Variants in CEP57L1 observed in about 807,000 individuals in gnomAD.
CEP57L1 encodes centrosomal protein CEP57L1.
Under a neutral mutation model 61.0 loss-of-function variants are expected in CEP57L1, and 37 were observed. The observed-to-expected ratio is 0.61, with a 90% CI of 0.47 to 0.80. The LOEUF is 0.80. Among genes scored for constraint, CEP57L1 ranks in the 30% least tolerant of loss-of-function variants. The pLI, the probability that CEP57L1 is intolerant of heterozygous loss-of-function variation, is 0.00. For synonymous variants in CEP57L1, 137 were observed against 162.3 expected (o/e 0.84, Z 1.19); for missense variants, 422 against 524.7 (o/e 0.80, Z 1.91).
intron 1 of CEP57L1, among the ~76,000 whole-genome samples, chr6:109,104,323 A>T (rs12205743): frequency 0.039 from 5,686 of 145,652 alleles, 159 homozygotes; most frequent in African/African-American, 0.078. Context: ...TAAAAAAAAA[A>T]TTTTTTTCTG....
intron 2 of CEP57L1, among the ~76,000 whole-genome samples, chr6:109,146,317 T>C (rs1387471623): frequency 6.6e-6 from 1 of 151,944 alleles, no homozygotes; most frequent in Non-Finnish European, 1.5e-5. Flanking sequence ...ATATGTGTGA[T>C]TTGACTAAAA....
At chr6:109,097,573 A>G (rs35093983) in intron 1 of CEP57L1, among the ~76,000 whole-genome samples, 3,677 of 152,282 alleles carry the variant, frequency 0.024, 65 homozygotes, top group Non-Finnish European at 0.037. Flanking sequence ...TCCCTTTTAT[A>G]TAACAGGACA....
intron 1 of CEP57L1, among the ~76,000 whole-genome samples, chr6:109,098,170 G>T (rs920403738): frequency 6.6e-6 from 1 of 151,752 alleles, no homozygotes; most frequent in Non-Finnish European, 1.5e-5. Flanking sequence ...CTGTCTCAAC[G>T]GAGTTTTGCT....
chr6:109,151,227 T>A lies in CEP57L1; in HGVS notation c.462+988T>A, dbSNP rs150489818. Among the ~76,000 whole-genome samples the A allele has an allele frequency of 2.9e-3, 443 of 152,226 alleles. 3 individuals carry two copies. Among genetic ancestry groups the A allele is most frequent in the African/African-American group, 1.0e-2 (414 of 41,534 alleles). On this transcript the variant is annotated intron_variant, in intron 4 of 10. Transcript: ENST00000517392. Reference sequence around the variant, plus strand: ...ATTGATGGGTCAAATACATAACAGATTTTTAAGGAACTAGAGAATTTAATT... The same window carrying A: ...ATTGATGGGTCAAATACATAACAGAATTTTAAGGAACTAGAGAATTTAATT...
intron 1 of CEP57L1, among the ~76,000 whole-genome samples, chr6:109,115,087 G>T (rs898151579): frequency 6.6e-5 from 10 of 151,888 alleles, no homozygotes; most frequent in Admixed American, 2.0e-4. Context: ...TTAAAATATG[G>T]CTAAATTAAT....
At chr6:109,101,670 G>A (rs1400964811) in intron 1 of CEP57L1, among the ~76,000 whole-genome samples, 1 of 150,532 alleles carries the variant, frequency 6.6e-6, no homozygotes, top group South Asian at 2.1e-4. Context: ...GCACAGGCTG[G>A]ACTGCAGTGG....
At chr6:109,147,054 T>G in intron 3 of CEP57L1, 117 bp downstream of exon 3, 1 of 779,250 alleles carries the variant, frequency 1.3e-6, no homozygotes, top group Non-Finnish European at 1.9e-6. Flanking sequence ...ATATTCAAAC[T>G]TCATGACTTT....
intron 1 of CEP57L1, among the ~76,000 whole-genome samples, chr6:109,105,431 GAATAGCC>G (rs1015389165): frequency 2.6e-5 from 4 of 152,098 alleles, no homozygotes; most frequent in Admixed American, 6.5e-5. Flanking sequence ...AGTGAATATT[GAATAGCC>G]AATCCTTTCT....
At chr6:109,099,054 A>G (rs1014772761) in intron 1 of CEP57L1, among the ~76,000 whole-genome samples, 1 of 152,184 alleles carries the variant, frequency 6.6e-6, no homozygotes, top group South Asian at 2.1e-4. Context: ...TGTGAATGGG[A>G]GAGAGAGGAA....
At chr6:109,148,055 A>G (rs1404229676) in intron 3 of CEP57L1, among the ~76,000 whole-genome samples, 1 of 152,136 alleles carries the variant, frequency 6.6e-6, no homozygotes, top group Non-Finnish European at 1.5e-5. Flanking sequence ...GTGATAACCA[A>G]ATCTCTGATC....
chr6:109,130,217 T>TC (rs907678790), intron 1 of CEP57L1, among the ~76,000 whole-genome samples: 21 of 152,054 alleles, frequency 1.4e-4, no homozygotes, highest in South Asian at 4.2e-4. Flanking sequence ...CTCATTTCAC[T>TC]CCCCCCCAGC....
At position 109,119,422 on chromosome 6, in the gene CEP57L1, G is replaced by C. The variant is rs542923105; in HGVS notation, c.-4+23847G>C. ...GGTAAGGATGGGAGAGGATAGGTGA[G>C]TCAAGAAGTGTTTTACGTGTTGACC... On this transcript the variant is annotated intron_variant, in intron 1 of 10. Transcript: ENST00000517392. Among the ~76,000 whole-genome samples, 133 of 152,312 alleles carry C rather than the reference G, an allele frequency of 8.7e-4. No homozygotes were observed. In the Middle Eastern group the frequency reaches 0.014, roughly 16 times the overall value.
At chr6:109,151,084 G>T (rs1471117937) in intron 4 of CEP57L1, among the ~76,000 whole-genome samples, 1 of 152,076 alleles carries the variant, frequency 6.6e-6, no homozygotes, top group African/African-American at 2.4e-5. Flanking sequence ...TAAATATAAA[G>T]AATTAAAATT....
chr6:109,120,212 C>T (rs1176142867), intron 1 of CEP57L1, among the ~76,000 whole-genome samples: 2 of 152,168 alleles, frequency 1.3e-5, no homozygotes, highest in Non-Finnish European at 2.9e-5. Context: ...CAGAACCTAC[C>T]TCTTAACCAC....
At chr6:109,128,373 G>A (rs1467560835) in intron 1 of CEP57L1, among the ~76,000 whole-genome samples, 4 of 151,986 alleles carry the variant, frequency 2.6e-5, no homozygotes, top group Admixed American at 6.6e-5. Flanking sequence ...TAGCAGATTC[G>A]TAAGTTCTTT....
chr6:109,149,970 G>A, intron 3 of CEP57L1, 148 bp from the exon 4 acceptor site: 1 of 390,274 alleles, frequency 2.6e-6, no homozygotes, highest in African/African-American at 2.1e-5. Context: ...CATTGATTTT[G>A]TATCCTGAGA....
rs184124365 is a variant in CEP57L1 at position 109,165,603 on chromosome 6, A to G, written c.*2633A>G. On this transcript the variant is annotated 3_prime_UTR_variant, in exon 11 of 11. Transcript: ENST00000517392. ...GGTTTCTAATGGGAGGGGGTAAAGAACACAGTCCTGTCATTGTGCTGAAAC... is the reference window on the plus strand; with the variant it reads ...GGTTTCTAATGGGAGGGGGTAAAGAGCACAGTCCTGTCATTGTGCTGAAAC... Among the ~76,000 whole-genome samples, 1 of 152,278 alleles carries G rather than the reference A, an allele frequency of 6.6e-6. No individual in the cohort carries two copies. Among genetic ancestry groups the G allele is most frequent in the Admixed American group, 6.5e-5 (1 of 15,284 alleles).
Position 109,170,347 on chromosome 6 carries a change from A to C in CEP57L1, c.*7377A>C, listed in dbSNP as rs1774343015. ...GTACTTTTCAACCTGACTTGGCTTA[A>C]TGTAGTTAAGTAAATTTTAGGATAG... On this transcript the variant is annotated 3_prime_UTR_variant, in exon 11 of 11. Coordinates refer to ENST00000517392, the MANE Select transcript of CEP57L1 (RefSeq NM_001271852.3). Among the ~76,000 whole-genome samples the C allele has an allele frequency of 6.6e-6, 1 of 152,168 alleles. No homozygotes were observed. Among genetic ancestry groups the C allele is most frequent in the Non-Finnish European group, 1.5e-5 (1 of 68,006 alleles).
Position 109,171,380 on chromosome 6 carries a change from A to G in CEP57L1, c.*8410A>G, listed in dbSNP as rs1031837505. Among the ~76,000 whole-genome samples, 1 of 151,136 alleles carries G rather than the reference A, an allele frequency of 6.6e-6. No individual in the cohort carries two copies. Among genetic ancestry groups the G allele is most frequent in the South Asian group, 2.1e-4 (1 of 4,786 alleles). The stretch of plus-strand genomic sequence containing the variant: ...CAGCCTCCCAAGTAGCTGGGATTAC[A>G]GGCATGCGTCACCACACCCGGCTGT... On this transcript the variant is annotated 3_prime_UTR_variant, in exon 11 of 11. Coordinates refer to ENST00000517392, the MANE Select transcript of CEP57L1 (RefSeq NM_001271852.3).
Sources: allele counts gnomAD v4.1 joint callset (sites outside exome capture counted in the v4.1 genomes callset), GRCh38; gene constraint gnomAD v4.1.1; transcripts MANE v1.5; gene names NCBI Gene and HGNC (gene_info 2026-07-23, HGNC 2026-07-21).